RIPOR2: variants seen among roughly 807,000 people sequenced by gnomAD.
RIPOR2 encodes rho family-interacting cell polarization regulator 2.
A neutral mutation model predicts 114.5 loss-of-function variants in RIPOR2; 39 were observed. The ratio of observed to expected loss-of-function variants is 0.34; its 90% CI spans 0.26 to 0.44. The LOEUF (loss-of-function observed/expected upper bound fraction) is 0.44. Ranked by LOEUF, RIPOR2 falls within the 20% of genes least tolerant of loss-of-function variation. RIPOR2 has a pLI of 1.00. For synonymous variants in RIPOR2, 445 were observed against 484.4 expected (o/e 0.92, Z 1.07); for missense variants, 1,007 against 1,255.1 (o/e 0.80, Z 2.99).
upstream of RIPOR2, among the ~76,000 whole-genome samples, chr6:24,940,151 G>A (rs973184488): frequency 2.0e-5 from 3 of 152,094 alleles, no homozygotes; most frequent in African/African-American, 7.2e-5. Flanking sequence ...TTTGAGTTAT[G>A]AGAATTGAGG....
intron 1 of RIPOR2, among the ~76,000 whole-genome samples, chr6:24,895,198 A>G (rs543430663): frequency 1.3e-5 from 2 of 152,208 alleles, no homozygotes; most frequent in Non-Finnish European, 2.9e-5. Context: ...GATTACAGGC[A>G]CACCCCACCA....
At chr6:24,850,091 C>CTT in intron 10 of RIPOR2, 141 bp from the exon 11 acceptor site, 5 of 528,102 alleles carry the variant, frequency 9.5e-6, no homozygotes, top group Admixed American at 4.2e-5. Flanking sequence ...TTTCATTTTT[C>CTT]TTTTTCTTTT....
chr6:24,935,536 A>G (rs1205817648), intron 1 of RIPOR2, among the ~76,000 whole-genome samples: 1 of 152,180 alleles, frequency 6.6e-6, no homozygotes, highest in African/African-American at 2.4e-5. Flanking sequence ...GACAAGAGAT[A>G]GCACAGAAGA....
intron 1 of RIPOR2, among the ~76,000 whole-genome samples, chr6:24,978,815 T>C (rs576198330): frequency 6.6e-6 from 1 of 152,338 alleles, no homozygotes; most frequent in South Asian, 2.1e-4. Flanking sequence ...TTTAAATAGA[T>C]GAAACATGTA....
At chr6:24,866,297 C>T (rs2113854809) in intron 6 of RIPOR2, among the ~76,000 whole-genome samples, 1 of 152,222 alleles carries the variant, frequency 6.6e-6, no homozygotes, top group East Asian at 1.9e-4. Context: ...ACAATATACC[C>T]TTTTCAAATG....
chr6:24,901,811 A>G (rs912683578), intron 1 of RIPOR2, among the ~76,000 whole-genome samples: 7 of 152,208 alleles, frequency 4.6e-5, no homozygotes, highest in Non-Finnish European at 8.8e-5. Context: ...CCCAGTGAGG[A>G]GTCAGAACAT....
In RIPOR2 at chr6:24,828,221, C is replaced by T. The variant is rs61741706; in HGVS notation, c.2581G>A (p.Val861Ile). 10,048 of 1,551,306 alleles carry T rather than the reference C, an allele frequency of 6.5e-3. 226 individuals carry two copies. The African/African-American group carries it at 0.074, about 11-fold the overall frequency. ...LLSSSLSSEV[V>I]TVFQYYSYFT... The stretch of plus-strand genomic sequence containing the variant: ...TAACTGTAATACTGGAAAACAGTGA[C>T]GACTTCCGAGGACAGGCTGGAGGAA... The change falls in exon 18 of 22, where the codon GTC becomes ATC. Residue 861 changes from valine (V) to isoleucine (I), a missense_variant. Transcript: ENST00000643898.
chr6:24,969,045 A>G (rs1007982327), intron 1 of RIPOR2, among the ~76,000 whole-genome samples: 2 of 152,182 alleles, frequency 1.3e-5, no homozygotes, highest in African/African-American at 4.8e-5. Flanking sequence ...AAGCGATATA[A>G]AGTGCTTGTG....
intron 1 of RIPOR2, among the ~76,000 whole-genome samples, chr6:24,998,952 C>G (rs1775172275): frequency 6.6e-6 from 1 of 151,988 alleles, no homozygotes; most frequent in African/African-American, 2.4e-5. Context: ...TGAATGTACA[C>G]TATAGGGATG....
intron 19 of RIPOR2, among the ~76,000 whole-genome samples, chr6:24,822,528 A>AT (rs1759788487): frequency 1.3e-5 from 2 of 151,778 alleles, no homozygotes; most frequent in Non-Finnish European, 2.9e-5. Context: ...TTATTTATTT[A>AT]TTTTTTGAGA....
At chr6:25,018,922 T>C (rs917365286) in intron 1 of RIPOR2, among the ~76,000 whole-genome samples, 1 of 152,184 alleles carries the variant, frequency 6.6e-6, no homozygotes, top group African/African-American at 2.4e-5. Context: ...CATTGTTTCA[T>C]GAGGACTGCA....
chr6:24,845,849 T>G (rs78522923), intron 12 of RIPOR2, among the ~76,000 whole-genome samples: 3,269 of 152,090 alleles, frequency 0.021, 123 homozygotes, highest in African/African-American at 0.072. Flanking sequence ...CCGGAGGAAG[T>G]GCGTTCTAGA....
At chr6:24,957,655 C>T (rs999445742) in intron 1 of RIPOR2, among the ~76,000 whole-genome samples, 12 of 152,072 alleles carry the variant, frequency 7.9e-5, no homozygotes, top group African/African-American at 1.2e-4. Flanking sequence ...AGGTGGATCA[C>T]GAGGTCAGGA....
At chr6:24,871,861 G>A (rs926729222) in intron 4 of RIPOR2, among the ~76,000 whole-genome samples, 3 of 152,186 alleles carry the variant, frequency 2.0e-5, no homozygotes, top group Non-Finnish European at 4.4e-5. Context: ...CAGCCACTGA[G>A]GATGGTCAAG....
chr6:24,811,376 G>A (rs534753892), intron 20 of RIPOR2, among the ~76,000 whole-genome samples: 39 of 150,984 alleles, frequency 2.6e-4, no homozygotes, highest in East Asian at 1.4e-3. Flanking sequence ...TGGGATTACA[G>A]GTGTGTGCCA....
chr6:24,836,845 C>G (rs1224596883), intron 14 of RIPOR2, among the ~76,000 whole-genome samples: 3 of 152,010 alleles, frequency 2.0e-5, no homozygotes, highest in Admixed American at 6.6e-5. Flanking sequence ...CTCTCTCTCT[C>G]TGTCTCTCTC....
chr6:24,913,575 G>A (rs1032535939), intron 1 of RIPOR2, among the ~76,000 whole-genome samples: 1 of 152,070 alleles, frequency 6.6e-6, no homozygotes, highest in Non-Finnish European at 1.5e-5. Context: ...TGGATTGCCT[G>A]GTCCAAATCC....
chr6:24,888,217 A>G (rs1272566912), intron 1 of RIPOR2, among the ~76,000 whole-genome samples: 5 of 152,204 alleles, frequency 3.3e-5, no homozygotes, highest in African/African-American at 1.2e-4. Context: ...TACACCGACC[A>G]GGGATCCTCA....
intron 1 of RIPOR2, among the ~76,000 whole-genome samples, chr6:24,911,900 TC>T (rs1385738139): frequency 6.6e-6 from 1 of 152,190 alleles, no homozygotes; most frequent in African/African-American, 2.4e-5. Flanking sequence ...ACAAGACACA[TC>T]CACTCCCTCC....
Sources: gnomAD v4.1 joint callset for allele counts (sites outside exome capture counted in the v4.1 genomes callset) on GRCh38, gnomAD v4.1.1 for gene constraint, MANE v1.5 for transcripts, NCBI Gene and HGNC (gene_info 2026-07-23, HGNC 2026-07-21) for gene names.